The following DACH2 variants were observed in gnomAD, a reference collection of about 807,000 sequenced individuals.
The protein encoded by DACH2 is dachshund homolog 2.
A neutral mutation model predicts 35.8 loss-of-function variants in DACH2; 17 were observed. The observed-to-expected ratio is 0.48, with a 90% CI of 0.33 to 0.71. The LOEUF is 0.71. DACH2 is among the 30% of genes least tolerant of loss of function. The pLI is 0.02. For synonymous variants in DACH2, 195 were observed against 177.3 expected, an observed-to-expected ratio of 1.10 and a Z score of -0.79; for missense variants, 469 against 472.7, an observed-to-expected ratio of 0.99 and a Z score of 0.07.
intron 2 of DACH2, among the ~76,000 whole-genome samples, chrX:86,467,185 C>T (rs1721929944): frequency 9.0e-6 from 1 of 111,621 alleles, no homozygotes; most frequent in African/African-American, 3.3e-5. Context: ...AATTGAATGC[C>T]TTTAACAGCA....
intron 2 of DACH2, among the ~76,000 whole-genome samples, chrX:86,465,183 T>A (rs916249973): frequency 8.9e-6 from 1 of 112,275 alleles, no homozygotes. Context: ...GGCACTCTTC[T>A]ATCCTTTCAA....
At chrX:86,157,601 T>C (rs1277324213) in intron 1 of DACH2, among the ~76,000 whole-genome samples, 1 of 111,206 alleles carries the variant, frequency 9.0e-6, no homozygotes, top group Non-Finnish European at 1.9e-5. Flanking sequence ...TGAACATCTG[T>C]GCTATTTTTC....
chrX:86,464,187 T>G (rs944526202), intron 2 of DACH2, among the ~76,000 whole-genome samples: 11 of 111,279 alleles, frequency 9.9e-5, no homozygotes, highest in Admixed American at 4.8e-4. Context: ...CTCAAAGGAT[T>G]ATAAATCATT....
At chrX:86,380,565 C>T (rs1272412645) in intron 2 of DACH2, among the ~76,000 whole-genome samples, 1 of 110,312 alleles carries the variant, frequency 9.1e-6, no homozygotes, top group Non-Finnish European at 1.9e-5. Context: ...GCAGGAAATA[C>T]TGAGAAAAAC....
At chrX:86,474,883 AC>A (rs2037818075) in intron 2 of DACH2, among the ~76,000 whole-genome samples, 1 of 111,345 alleles carries the variant, frequency 9.0e-6, no homozygotes, top group African/African-American at 3.3e-5. Context: ...ACAGGTGCCC[AC>A]CACCATGCCC....
intron 2 of DACH2, among the ~76,000 whole-genome samples, chrX:86,399,793 T>C (rs1280036990): frequency 3.6e-5 from 4 of 111,889 alleles, no homozygotes; most frequent in East Asian, 5.7e-4. Flanking sequence ...ACCAGACCTT[T>C]CTCTCTGGCT....
At chrX:86,203,083 A>T (rs2032197437) in intron 1 of DACH2, among the ~76,000 whole-genome samples, 1 of 111,370 alleles carries the variant, frequency 9.0e-6, no homozygotes, top group Non-Finnish European at 1.9e-5. Flanking sequence ...GCAAGAAAAC[A>T]ATTCTGTTTT....
At chrX:86,564,572 A>C (rs2039270412) in intron 3 of DACH2, among the ~76,000 whole-genome samples, 1 of 111,431 alleles carries the variant, frequency 9.0e-6, no homozygotes, top group African/African-American at 3.3e-5. Flanking sequence ...GTAATATAAA[A>C]CCACAAGCTG....
chrX:86,699,593 A>G (rs886444744), intron 5 of DACH2, among the ~76,000 whole-genome samples: 3 of 111,745 alleles, frequency 2.7e-5, no homozygotes, highest in Non-Finnish European at 5.6e-5. Context: ...CTCCCAAAAC[A>G]TATGGGAATT....
At chrX:86,168,017 C>A (rs1383040036) in intron 1 of DACH2, among the ~76,000 whole-genome samples, 1 of 111,635 alleles carries the variant, frequency 9.0e-6, no homozygotes, top group South Asian at 3.7e-4. Context: ...TATCCCGCAG[C>A]TCTTGGATGA....
At chrX:86,367,043 A>G (rs2035816380) in intron 1 of DACH2, among the ~76,000 whole-genome samples, 1 of 111,009 alleles carries the variant, frequency 9.0e-6, no homozygotes, top group Non-Finnish European at 1.9e-5. Flanking sequence ...TGAAAGAGAG[A>G]ATTAGATTGG....
intron 1 of DACH2, among the ~76,000 whole-genome samples, chrX:86,229,135 A>G (rs1162492343): frequency 9.0e-6 from 1 of 111,054 alleles, no homozygotes; most frequent in African/African-American, 3.3e-5. Context: ...TCTTGAGTGG[A>G]TTTTTGTGTA....
chrX:86,216,713 G>T (rs2032580482), intron 1 of DACH2, among the ~76,000 whole-genome samples: 2 of 111,309 alleles, frequency 1.8e-5, no homozygotes, highest in Non-Finnish European at 3.8e-5. Flanking sequence ...CTGCCCCAGA[G>T]ACTTTTTAGG....
intron 1 of DACH2, among the ~76,000 whole-genome samples, chrX:86,209,664 C>G (rs1310249753): frequency 9.0e-6 from 1 of 110,849 alleles, no homozygotes; most frequent in African/African-American, 3.3e-5. Flanking sequence ...AACTTAGAAT[C>G]TGTGTTTTTC....
chrX:86,665,353 A>G (rs2040655015), intron 4 of DACH2, among the ~76,000 whole-genome samples: 1 of 112,075 alleles, frequency 8.9e-6, no homozygotes, highest in African/African-American at 3.2e-5. Context: ...TCTGACTATT[A>G]TCATAGAAGA....
intron 3 of DACH2, among the ~76,000 whole-genome samples, chrX:86,590,652 C>T (rs188767128): frequency 5.4e-5 from 6 of 111,333 alleles, no homozygotes; most frequent in South Asian, 3.7e-4. Flanking sequence ...ATTTGCTTTC[C>T]GATGTTTCTA....
At chrX:86,218,278 T>G (rs1175112110) in intron 1 of DACH2, among the ~76,000 whole-genome samples, 1 of 112,213 alleles carries the variant, frequency 8.9e-6, no homozygotes, top group Non-Finnish European at 1.9e-5. Flanking sequence ...TCTTTGATAA[T>G]TTTATTTAAA....
chrX:86,435,965 A>G (rs888003675), intron 2 of DACH2, among the ~76,000 whole-genome samples: 1 of 111,793 alleles, frequency 8.9e-6, no homozygotes, highest in African/African-American at 3.2e-5. Context: ...TCTTTATTTC[A>G]TAATAATTTG....
intron 1 of DACH2, among the ~76,000 whole-genome samples, chrX:86,235,126 T>A (rs1015000796): frequency 9.0e-6 from 1 of 111,519 alleles, no homozygotes; most frequent in African/African-American, 3.3e-5. Context: ...AGGTATTTTT[T>A]AGAATATTCC....
Sources: allele counts gnomAD v4.1 joint callset (sites outside exome capture counted in the v4.1 genomes callset), GRCh38; gene constraint gnomAD v4.1.1; transcripts MANE v1.5; gene names NCBI Gene and HGNC (gene_info 2026-07-23, HGNC 2026-07-21).